VWF: variants seen among roughly 807,000 people sequenced by gnomAD.
VWF encodes von Willebrand factor.
A neutral mutation model predicts 308.6 loss-of-function variants in VWF; 176 were observed. The observed-to-expected ratio is 0.57, with a 90% confidence interval of 0.50 to 0.65. VWF has a LOEUF of 0.65. Among genes scored for constraint, VWF ranks in the 30% least tolerant of loss-of-function variants. The pLI, the probability that VWF is intolerant of heterozygous loss-of-function variation, is 0.00. For missense variants in VWF, 3,146 were observed against 3,648.2 expected, an observed-to-expected ratio of 0.86 and a Z score of 3.55; for synonymous variants, 1,385 against 1,443.4, an observed-to-expected ratio of 0.96 and a Z score of 0.92.
intron 6 of VWF, among the ~76,000 whole-genome samples, chr12:6,080,307 G>A (rs999303852): frequency 6.6e-6 from 1 of 152,240 alleles, no homozygotes; most frequent in African/African-American, 2.4e-5. Flanking sequence ...ACAGGAGTAA[G>A]TCATGCCTTT....
Position 6,016,141 on chromosome 12 carries a change from C to T in VWF, c.5403G>A (p.Thr1801=), listed in dbSNP as rs367952240. The T allele has an allele frequency of 7.3e-5, 118 of 1,614,042 alleles. No individual in the cohort carries two copies. The highest frequency in any genetic ancestry group is 9.3e-5 in the Non-Finnish European group (110 of 1,180,034). ...CATCCACTGAATCCACAGAGACGTC[C>T]GTGACCAGGATGACCACCGCCTTTG... ...GASKAVVILV[T]DVSVDSVDAA... Residue 1801 remains threonine, a synonymous_variant, in exon 31 of 52, where the codon ACG becomes ACA. Coordinates refer to ENST00000261405, the MANE Select transcript of VWF (RefSeq NM_000552.5).
chr12:5,965,621 T>C (rs1943393267), intron 47 of VWF, among the ~76,000 whole-genome samples: 1 of 152,208 alleles, frequency 6.6e-6, no homozygotes, highest in African/African-American at 2.4e-5. Context: ...GAGCACTGGC[T>C]TCCCTGGGAG....
chr12:6,090,575 G>A (rs1945021642), intron 6 of VWF, among the ~76,000 whole-genome samples: 1 of 151,940 alleles, frequency 6.6e-6, no homozygotes, highest in South Asian at 2.1e-4. Context: ...GGGACAGTGG[G>A]AGAATATGGG....
At chr12:6,085,830 T>C (rs757898783) in intron 6 of VWF, among the ~76,000 whole-genome samples, 43 of 152,174 alleles carry the variant, frequency 2.8e-4, no homozygotes, top group Admixed American at 1.4e-3. Flanking sequence ...CAAACTACCA[T>C]GGCACATGTA....
rs553993725 is a variant in VWF, at chr12:6,108,332, T to TACACAC, written c.532+2041_532+2042insGTGTGT. ...AAAGAAAGAAAGAAAGAAAGAAATA[T>TACACAC]ATACACACACACACACACACACACA... On this transcript the variant is annotated intron_variant, in intron 5 of 51. Transcript: ENST00000261405. Among the ~76,000 whole-genome samples, 199 of 49,076 alleles carry TACACAC rather than the reference T, an allele frequency of 4.1e-3. 1 individual carries two copies. Among genetic ancestry groups the TACACAC allele is most frequent in the African/African-American group, 0.01 (188 of 18,026 alleles). 32.2% of individuals were successfully genotyped at this position (49,076 alleles called of 152,430 possible).
chr12:6,051,778 T>G (rs1481247977), intron 16 of VWF, among the ~76,000 whole-genome samples: 4 of 152,088 alleles, frequency 2.6e-5, no homozygotes, highest in Non-Finnish European at 5.9e-5. Context: ...GCCAACTATT[T>G]TTTTTTCTTT....
In VWF at chr12:6,013,612, C is replaced by G; in HGVS notation, c.5489G>C (p.Arg1830Pro). 1.2e-6 allele frequency: 2 copies of G among 1,613,574 alleles called. No homozygotes were observed. The highest frequency in any genetic ancestry group is 1.7e-6 in the Non-Finnish European group (2 of 1,179,888). ...GATCCGTAGCTGGGCTGCATCGTAG[C>G]GATCTCCAATTCCAATAGGGAACAC... The part of the protein sequence containing the change: ...VTVFPIGIGD[R>P]YDAAQLRILA... Residue 1830 changes from arginine (R) to proline (P), a missense_variant, in exon 32 of 52, where the codon CGC (arginine) becomes CCC (proline). By Grantham distance (103) the Arg-to-Pro change is moderately radical. This residue lies in a region of VWF where 853 missense variants were observed against 1,177.8 expected (regional missense o/e 0.72). Coordinates refer to ENST00000261405, the MANE Select transcript of VWF (RefSeq NM_000552.5).
At chr12:6,092,616 A>AGAGAGAGAGAGAGAGAGAGAGAGTGT (rs1555073710) in intron 6 of VWF, among the ~76,000 whole-genome samples, 1 of 96,622 alleles carries the variant, frequency 1.0e-5, no homozygotes, top group Non-Finnish European at 2.1e-5. Flanking sequence ...TGAGTGAGTG[A>AGAGAGAGAGAGAGAGAGAGAGAGTGT]GAGTGTGTGT....
At chr12:6,110,740 C>G (rs1353233710) in intron 4 of VWF, 126 bp downstream of exon 4, 1 of 1,307,566 alleles carries the variant, frequency 7.6e-7, no homozygotes, top group Non-Finnish European at 1.1e-6. Context: ...TCTCACCCAG[C>G]CCTGCTACTC....
At chr12:5,972,649 A>T (rs1461990527) in intron 43 of VWF, among the ~76,000 whole-genome samples, 1 of 152,156 alleles carries the variant, frequency 6.6e-6, no homozygotes, top group African/African-American at 2.4e-5. Flanking sequence ...AACCCCACCC[A>T]GTCTCCACGA....
Position 5,976,214 on chromosome 12 carries a change from TC to T in VWF, c.7333del (p.Glu2445ArgfsTer16). The T allele has an allele frequency of 6.2e-7, 1 of 1,614,048 alleles. No individual in the cohort carries two copies. Among genetic ancestry groups the T allele is most frequent in the Non-Finnish European group, 8.5e-7 (1 of 1,180,008 alleles). Reference sequence around the variant, plus strand: ...GCAGGTGCACACATCGCAGCCCTCCTCCCAGAACTGGCCCACAGGGTAGATG... The same window carrying T: ...GCAGGTGCACACATCGCAGCCCTCCTCCAGAACTGGCCCACAGGGTAGATG... ...STIYPVGQFWEEGCDVCTCTD... is the reference protein window; with the variant it reads ...STIYPVGQFWXEGCDVCTCTD... On this transcript the variant is annotated frameshift_variant, in exon 43 of 52. Transcript: ENST00000261405. LOFTEE classifies it high-confidence loss of function.
chr12:5,953,650 T>G, intron 47 of VWF, 56 bp from the exon 48 acceptor site: 1 of 1,431,316 alleles, frequency 7.0e-7, no homozygotes, highest in South Asian at 1.1e-5. Flanking sequence ...ACATCCCAAT[T>G]GTAAGTAGGC....
At position 6,110,953 on chromosome 12, in the gene VWF, C is replaced by T; in HGVS notation, c.236G>A (p.Gly79Asp). The change falls in exon 4 of 52, where the codon GGC (glycine) becomes GAC (aspartate). Residue 79 changes from glycine (G) to aspartate (D), a missense_variant. Transcript: ENST00000261405. ...ATACACGGAGAGGCTCACTCTCTTG[C>T]CATTCTGGAAGTCCCCTGAAAGAGA... ...SFSIIGDFQNGKRVSLSVYLG... is the reference protein window; with the variant it reads ...SFSIIGDFQNDKRVSLSVYLG... 1 of 1,614,078 alleles carries T rather than the reference C, an allele frequency of 6.2e-7. No individual in the cohort carries two copies. Among genetic ancestry groups the T allele is most frequent in the Non-Finnish European group, 8.5e-7 (1 of 1,179,982 alleles).
At chr12:6,098,512 T>C (rs7970924) in intron 5 of VWF, among the ~76,000 whole-genome samples, 13,784 of 152,190 alleles carry the variant, frequency 0.091, 1,265 homozygotes, top group African/African-American at 0.24. Flanking sequence ...GGCGCAGTGG[T>C]TCATGCTTGT....
At chr12:6,087,354 C>CT (rs948166436) in intron 6 of VWF, among the ~76,000 whole-genome samples, 12,093 of 118,660 alleles carry the variant, frequency 0.1, 1,139 homozygotes, top group East Asian at 0.32. Flanking sequence ...AGACTTAACT[C>CT]TTTTTTTTTT....
At position 5,994,221 on chromosome 12, in the gene VWF, CA is replaced by C. The variant is rs762799910; in HGVS notation, c.6257-19del. The C allele has an allele frequency of 6.2e-6, 10 of 1,612,762 alleles. No homozygotes were observed. Among genetic ancestry groups the C allele is most frequent in the African/African-American group, 2.7e-5 (2 of 74,764 alleles). ...ACAGATCCCTAGAGAAACAAACAAACAAAAAAAAGATAAACTGAGTGGCCCT... is the reference window on the plus strand; with the variant it reads ...ACAGATCCCTAGAGAAACAAACAAACAAAAAAAGATAAACTGAGTGGCCCT... On this transcript the variant is annotated intron_variant, in intron 36 of 51. Transcript: ENST00000261405.
At position 6,031,587 on chromosome 12, in the gene VWF, A is replaced by G; in HGVS notation, c.2686-9T>C. 1 of 1,613,970 alleles carries G rather than the reference A, an allele frequency of 6.2e-7. No homozygotes were observed. The highest frequency in any genetic ancestry group is 8.5e-7 in the Non-Finnish European group (1 of 1,179,950). On this transcript the variant is annotated splice_polypyrimidine_tract_variant and intron_variant, in intron 20 of 51. Transcript: ENST00000261405. ...TTACTGCCGCAGTAATCCTGGGGAA[A>G]GAGGAGTGCCAGGAGAAGACCATTA...
intron 26 of VWF, 36 bp from the exon 27 acceptor site, chr12:6,022,071 T>G: frequency 1.9e-6 from 3 of 1,613,366 alleles, no homozygotes; most frequent in Non-Finnish European, 2.5e-6. Context: ...ACCAAAACGC[T>G]CCCCTTTCCC....
chr12:5,997,483 TTC>T (rs1429284903), intron 34 of VWF, among the ~76,000 whole-genome samples: 1 of 152,194 alleles, frequency 6.6e-6, no homozygotes, highest in Non-Finnish European at 1.5e-5. Flanking sequence ...AGGGGTTGGT[TTC>T]TGTTTCACTT....
Sources: gnomAD v4.1 joint callset for allele counts (sites outside exome capture counted in the v4.1 genomes callset) on GRCh38, gnomAD v4.1.1 for gene constraint, gnomAD v4.1.1 regional missense constraint, MANE v1.5 for transcripts, NCBI Gene and HGNC (gene_info 2026-07-23, HGNC 2026-07-21) for gene names.